The following OR56A3 variants were observed in gnomAD, a reference collection of about 807,000 sequenced individuals.
OR56A3 encodes olfactory receptor family 56 subfamily A member 3, also known as olfactory receptor 56A3.
In OR56A3, 23 loss-of-function variants were observed where a neutral mutation model predicts 17.5. The observed-to-expected ratio is 1.32, with a 90% CI of 0.95 to 1.87. The LOEUF is 1.87. Among genes scored for constraint, OR56A3 ranks in the 40% most tolerant of loss-of-function variants. The pLI, the probability that OR56A3 is intolerant of heterozygous loss-of-function variation, is 0.00. For missense variants in OR56A3, 366 were observed against 380.1 expected, an observed-to-expected ratio of 0.96 and a Z score of 0.31; for synonymous variants, 175 against 150.6, an observed-to-expected ratio of 1.16 and a Z score of -1.19.
the OR56A3 span, among the ~76,000 whole-genome samples, chr11:6,014,989 CAAAAAAA>C: frequency 1.3e-3 from 46 of 35,200 alleles, 2 homozygotes; most frequent in South Asian, 0.027. Flanking sequence ...TATTCATGGG[CAAAAAAA>C]AAAAAAAAAA....
At chr11:6,008,017 C>G in the OR56A3 span, among the ~76,000 whole-genome samples, 2 of 152,206 alleles carry the variant, frequency 1.3e-5, no homozygotes, top group African/African-American at 4.8e-5. Flanking sequence ...ACAATACTCA[C>G]TTTCCATAGA....
chr11:5,996,881 A>G, the OR56A3 span, among the ~76,000 whole-genome samples: 1 of 152,178 alleles, frequency 6.6e-6, no homozygotes, highest in Non-Finnish European at 1.5e-5. Context: ...TAGTCGCTTG[A>G]GCAATGGAAA....
the OR56A3 span, among the ~76,000 whole-genome samples, chr11:6,010,021 T>G: frequency 6.6e-6 from 1 of 152,130 alleles, no homozygotes; most frequent in East Asian, 1.9e-4. Flanking sequence ...TTTGTCTTAA[T>G]GTCAGTGATT....
At chr11:5,986,614 T>C in the OR56A3 span, 34 of 1,613,872 alleles carry the variant, frequency 2.1e-5, no homozygotes, top group Middle Eastern at 8.2e-4. Context: ...CTCGTGGGCA[T>C]GAACCAGGAG....
the OR56A3 span, chr11:5,986,908 G>A: frequency 6.2e-7 from 1 of 1,610,772 alleles, no homozygotes; most frequent in East Asian, 2.2e-5. Flanking sequence ...GGAGAGGAAA[G>A]AGAAAAAAGA....
the OR56A3 span, among the ~76,000 whole-genome samples, chr11:5,960,457 C>T: frequency 3.9e-5 from 6 of 152,350 alleles, no homozygotes; most frequent in South Asian, 8.3e-4. Context: ...GACCGGGTTT[C>T]GCCCTGTTGG....
intron 2 of OR56A3, among the ~76,000 whole-genome samples, chr11:5,945,868 C>A (rs1271214529): frequency 6.6e-6 from 1 of 152,098 alleles, no homozygotes; most frequent in Admixed American, 6.5e-5. Flanking sequence ...TATTAGTGAG[C>A]CAAAGTGTGA....
chr11:6,014,954 G>A, the OR56A3 span, among the ~76,000 whole-genome samples: 1 of 103,276 alleles, frequency 9.7e-6, no homozygotes, highest in Non-Finnish European at 1.8e-5. Flanking sequence ...AAGCAACAAA[G>A]CATTCAAGAT....
the OR56A3 span, chr11:5,994,564 C>G: frequency 1.0e-6 from 1 of 976,080 alleles, no homozygotes; most frequent in Non-Finnish European, 1.6e-6. Flanking sequence ...CGATCTCTGT[C>G]TCCAGCTGCA....
At chr11:6,013,733 C>A in the OR56A3 span, among the ~76,000 whole-genome samples, 3,869 of 152,236 alleles carry the variant, frequency 0.025, 160 homozygotes, top group African/African-American at 0.084. Context: ...AATCATTCTA[C>A]CCCACTCATC....
intron 2 of OR56A3, among the ~76,000 whole-genome samples, chr11:5,946,416 A>G (rs982049800): frequency 1.1e-4 from 16 of 152,226 alleles, no homozygotes; most frequent in Non-Finnish European, 2.2e-4. Context: ...ATGATAAGGG[A>G]ATAATGGCAA....
chr11:5,992,781 G>GT, the OR56A3 span, among the ~76,000 whole-genome samples: 3 of 152,214 alleles, frequency 2.0e-5, no homozygotes, highest in African/African-American at 4.8e-5. Context: ...CTGTTACCCA[G>GT]TAACAAGCTT....
chr11:5,973,708 C>A, the OR56A3 span, among the ~76,000 whole-genome samples: 3 of 152,074 alleles, frequency 2.0e-5, no homozygotes, highest in Admixed American at 6.5e-5. Flanking sequence ...GACCACAAAT[C>A]TCTTGTATTC....
At chr11:5,985,332 A>G in the OR56A3 span, among the ~76,000 whole-genome samples, 1 of 152,244 alleles carries the variant, frequency 6.6e-6, no homozygotes, top group Non-Finnish European at 1.5e-5. Context: ...CTAGACACAT[A>G]TAGATTTCTT....
chr11:5,989,411 G>A, the OR56A3 span, among the ~76,000 whole-genome samples: 2 of 75,704 alleles, frequency 2.6e-5, no homozygotes, highest in African/African-American at 4.4e-5. Context: ...TAAATAAGTA[G>A]AGAAGTAAAT....
chr11:5,948,028 G>C lies in OR56A3; in HGVS notation c.682G>C (p.Ala228Pro). 6.2e-7 allele frequency: 1 copy of C among 1,614,180 alleles called. No homozygotes were observed. Among genetic ancestry groups the C allele is most frequent in the Non-Finnish European group, 8.5e-7 (1 of 1,180,042 alleles). Reference sequence around the variant, plus strand: ...CCTCTCCTACACCTTCATTCTGCGAGCTGTGCTGAGACTCAAGGCAGAGGG... The same window carrying C: ...CCTCTCCTACACCTTCATTCTGCGACCTGTGCTGAGACTCAAGGCAGAGGG... ...IFLSYTFILR[A>P]VLRLKAEGAV... The change falls in exon 3 of 3, where the codon GCT (alanine) becomes CCT (proline). Residue 228 changes from alanine to proline, a missense_variant. Coordinates refer to ENST00000641160, the MANE Select transcript of OR56A3 (RefSeq NM_001003443.3).
the OR56A3 span, among the ~76,000 whole-genome samples, chr11:5,976,720 T>TC: frequency 1.3e-5 from 2 of 152,336 alleles, no homozygotes; most frequent in Admixed American, 1.3e-4. Flanking sequence ...GTCTTTTTTT[T>TC]CACCTTATAT....
At chr11:6,006,381 A>T in the OR56A3 span, 3 of 152,024 alleles carry the variant, frequency 2.0e-5, no homozygotes, top group Non-Finnish European at 4.4e-5. Flanking sequence ...CAGTATGCCA[A>T]CTCCATCAGT....
At chr11:5,976,561 GTCA>G in the OR56A3 span, among the ~76,000 whole-genome samples, 1 of 151,936 alleles carries the variant, frequency 6.6e-6, no homozygotes, top group Non-Finnish European at 1.5e-5. Flanking sequence ...CACTTGTTCA[GTCA>G]TCATTTTGAT....
Sources: gnomAD v4.1 joint callset for allele counts (sites outside exome capture counted in the v4.1 genomes callset) on GRCh38, gnomAD v4.1.1 for gene constraint, MANE v1.5 for transcripts, NCBI Gene and HGNC (gene_info 2026-07-23, HGNC 2026-07-21) for gene names.